Variants in PDE8B observed in about 807,000 individuals in gnomAD.
PDE8B encodes phosphodiesterase 8B, also known as high affinity cAMP-specific and IBMX-insensitive 3',5'-cyclic phosphodiesterase 8B.
Under a neutral mutation model 101.3 loss-of-function variants are expected in PDE8B, and 26 were observed. The ratio of observed to expected loss-of-function variants is 0.26; its 90% CI spans 0.19 to 0.36. PDE8B has a LOEUF of 0.36. PDE8B is among the 10% of genes least tolerant of loss of function. The pLI is 1.00. For missense variants in PDE8B, 810 were observed against 1,163.1 expected, an observed-to-expected ratio of 0.70 and a Z score of 4.42; for synonymous variants, 424 against 429.3, an observed-to-expected ratio of 0.99 and a Z score of 0.15.
chr5:77,264,525 T>A (rs1192280173), intron 1 of PDE8B, among the ~76,000 whole-genome samples: 6 of 152,144 alleles, frequency 3.9e-5, no homozygotes, highest in Admixed American at 3.9e-4. Flanking sequence ...TAATCAAATA[T>A]CCTGAGCTAG....
chr5:77,141,428 G>T, the PDE8B span: 1 of 152,170 alleles, frequency 6.6e-6, no homozygotes, highest in Non-Finnish European at 1.5e-5. Flanking sequence ...TATTGCTAAA[G>T]GCATCTAACC....
intron 1 of PDE8B, among the ~76,000 whole-genome samples, chr5:77,270,444 T>C (rs1762557387): frequency 1.3e-5 from 2 of 152,224 alleles, no homozygotes; most frequent in African/African-American, 2.4e-5. Flanking sequence ...TGGATGCCTT[T>C]TATTTCTTTC....
chr5:77,179,191 T>C, the PDE8B span, among the ~76,000 whole-genome samples: 1 of 152,298 alleles, frequency 6.6e-6, no homozygotes, highest in African/African-American at 2.4e-5. Context: ...ATATTCATAC[T>C]GCATTCATGC....
the PDE8B span, among the ~76,000 whole-genome samples, chr5:77,133,869 A>G: frequency 3.9e-5 from 6 of 152,164 alleles, no homozygotes; most frequent in African/African-American, 1.4e-4. Flanking sequence ...TGGAAAATAA[A>G]CTTTTGCATC....
intron 1 of PDE8B, among the ~76,000 whole-genome samples, chr5:77,216,399 A>G (rs1261147967): frequency 6.6e-6 from 1 of 152,214 alleles, no homozygotes; most frequent in East Asian, 1.9e-4. Context: ...GGCATGTCTT[A>G]CATGGTGGCA....
chr5:77,185,370 C>T, the PDE8B span, among the ~76,000 whole-genome samples: 8 of 152,246 alleles, frequency 5.3e-5, no homozygotes, highest in South Asian at 6.2e-4. Flanking sequence ...GGCTTGTAGA[C>T]GGTCATCTTT....
chr5:77,211,167 G>A lies in PDE8B; in HGVS notation c.242G>A (p.Gly81Asp), dbSNP rs1748263702. 7 of 1,533,290 alleles carry A rather than the reference G, an allele frequency of 4.6e-6. No homozygotes were observed. Among genetic ancestry groups the A allele is most frequent in the African/African-American group, 1.4e-5 (1 of 72,112 alleles). 95.0% of individuals were successfully genotyped at this position (1,533,290 alleles called of 1,614,324 possible). The change falls in exon 1 of 22, where the codon GGT becomes GAT. Residue 81 changes from glycine to aspartate, a missense_variant. Transcript: ENST00000264917. The surrounding 1 kb of genome is among the most constrained non-coding windows in gnomAD (Gnocchi z 4.1). ...RTELGSGSSA[G>D]SAAPAATTSR... ...GAGCTGGGCAGCGGTAGCAGCGCGG[G>A]TTCCGCAGCCCCCGCCGCGACCACC...
rs76197317 is a variant in PDE8B at position 77,402,033 on chromosome 5, T to G, written c.1210+1743T>G. ...TGTTTAGAAACTACATTTTGAGGAATTCTTGGTTCTTGAATCTTGAATTTA... is the reference window on the plus strand; with the variant it reads ...TGTTTAGAAACTACATTTTGAGGAAGTCTTGGTTCTTGAATCTTGAATTTA... On this transcript the variant is annotated intron_variant, in intron 11 of 21. Transcript: ENST00000264917. 7.2e-4 allele frequency among the ~76,000 whole-genome samples: 110 copies of G among 152,320 alleles called. 2 individuals carry two copies. In the East Asian group the frequency reaches 0.013, roughly 18 times the overall value.
chr5:77,217,275 A>G (rs1348921314), intron 1 of PDE8B, among the ~76,000 whole-genome samples: 2 of 152,074 alleles, frequency 1.3e-5, no homozygotes, highest in Admixed American at 6.5e-5. Flanking sequence ...TAAGAGACTC[A>G]GGACCCTGTC....
the PDE8B span, among the ~76,000 whole-genome samples, chr5:77,184,072 T>A: frequency 6.6e-6 from 1 of 151,942 alleles, no homozygotes. Flanking sequence ...ATCCAAGCAG[T>A]CCTCCTGCCT....
chr5:77,179,693 G>C, the PDE8B span, among the ~76,000 whole-genome samples: 1 of 152,100 alleles, frequency 6.6e-6, no homozygotes, highest in East Asian at 1.9e-4. Context: ...TTTGTAAATT[G>C]TCCCTACAAT....
chr5:77,116,224 A>ATATTT, the PDE8B span, among the ~76,000 whole-genome samples: 5 of 59,608 alleles, frequency 8.4e-5, no homozygotes, highest in African/African-American at 3.6e-4. Flanking sequence ...ATATATATAT[A>ATATTT]TTTTTTTTTT....
chr5:77,374,892 C>T (rs771661611), intron 10 of PDE8B, among the ~76,000 whole-genome samples: 10 of 150,370 alleles, frequency 6.7e-5, no homozygotes, highest in Non-Finnish European at 5.9e-5. Flanking sequence ...AGGACTTGGC[C>T]TCAGCTGTCT....
intron 6 of PDE8B, among the ~76,000 whole-genome samples, chr5:77,341,748 T>C (rs1485553554): frequency 6.6e-6 from 1 of 152,224 alleles, no homozygotes; most frequent in Non-Finnish European, 1.5e-5. Flanking sequence ...TCTTGCTGTC[T>C]CTTATGAGGC....
At chr5:77,160,013 G>T in the PDE8B span, among the ~76,000 whole-genome samples, 1 of 152,198 alleles carries the variant, frequency 6.6e-6, no homozygotes, top group Non-Finnish European at 1.5e-5. Flanking sequence ...ACACATAACA[G>T]AGGCATAAAC....
chr5:77,266,134 T>C (rs1351155928), intron 1 of PDE8B, among the ~76,000 whole-genome samples: 1 of 152,242 alleles, frequency 6.6e-6, no homozygotes, highest in Non-Finnish European at 1.5e-5. Context: ...ACATTCTGTA[T>C]TTGAGAATTT....
chr5:77,095,223 A>T, the PDE8B span, among the ~76,000 whole-genome samples: 2 of 152,146 alleles, frequency 1.3e-5, no homozygotes, highest in Non-Finnish European at 2.9e-5. Flanking sequence ...TAATAAGCAG[A>T]TGTCATCGTT....
chr5:77,232,230 G>A (rs539724212), intron 1 of PDE8B, among the ~76,000 whole-genome samples: 9 of 152,280 alleles, frequency 5.9e-5, no homozygotes, highest in African/African-American at 2.2e-4. Context: ...TTATGCAAAA[G>A]CTTCTTGTCT....
intron 10 of PDE8B, among the ~76,000 whole-genome samples, chr5:77,385,395 T>C (rs1163561212): frequency 6.6e-6 from 1 of 151,940 alleles, no homozygotes; most frequent in Non-Finnish European, 1.5e-5. Context: ...AGTGGTCTAT[T>C]TTGATCTTTT....
Sources: allele counts gnomAD v4.1 joint callset (sites outside exome capture counted in the v4.1 genomes callset), GRCh38; gene constraint gnomAD v4.1.1; non-coding constraint Gnocchi (gnomAD v3.1); transcripts MANE v1.5; gene names NCBI Gene and HGNC (gene_info 2026-07-23, HGNC 2026-07-21).